Variants in PFDN1 observed in about 807,000 individuals in gnomAD.
The protein encoded by PFDN1 is prefoldin 1.
PFDN1 carries 6 observed loss-of-function variants against 17.3 expected under a neutral mutation model. The observed-to-expected ratio is 0.35, with a 90% CI of 0.19 to 0.69. PFDN1 has a LOEUF of 0.69. Among genes scored for constraint, PFDN1 ranks in the 30% least tolerant of loss-of-function variants. PFDN1 has a pLI of 0.65. For synonymous variants in PFDN1, 58 were observed against 50.1 expected (o/e 1.16, Z -0.67); for missense variants, 113 against 146.2 (o/e 0.77, Z 1.17).
chr5:140,253,938 C>G (rs1452772057), intron 3 of PFDN1, among the ~76,000 whole-genome samples: 2 of 152,224 alleles, frequency 1.3e-5, no homozygotes, highest in Non-Finnish European at 2.9e-5. Flanking sequence ...TGGGGATGGA[C>G]TACAGCAATC....
At position 140,303,006 on chromosome 5, in the gene PFDN1, A is replaced by G. The variant is rs1217984653; in HGVS notation, c.33+35T>C. 7 of 1,533,526 alleles carry G rather than the reference A, an allele frequency of 4.6e-6. No homozygotes were observed. The East Asian group carries it at 1.1e-4, about 25-fold the overall frequency. The allele number at this position is 1,533,526 out of a possible 1,614,324, so 95.0% of individuals were successfully genotyped here. On this transcript the variant is annotated intron_variant, in intron 1 of 3. Coordinates refer to ENST00000261813, the MANE Select transcript of PFDN1 (RefSeq NM_002622.5). ...GTCTATAGTCCCCTCAGCCTCCAAA[A>G]AGAAGACCTCCGCCTGCCAAAGACC...
At chr5:140,255,867 G>A (rs777781920) in intron 3 of PFDN1, among the ~76,000 whole-genome samples, 1 of 151,928 alleles carries the variant, frequency 6.6e-6, no homozygotes, top group African/African-American at 2.4e-5. Flanking sequence ...TTCTTGAATC[G>A]GTTTTCTAAG....
At chr5:140,255,386 GC>G (rs1489833970) in intron 3 of PFDN1, among the ~76,000 whole-genome samples, 3 of 152,120 alleles carry the variant, frequency 2.0e-5, no homozygotes, top group Non-Finnish European at 2.9e-5. Flanking sequence ...AGACCAGCTG[GC>G]CCTTGGGCTG....
At chr5:140,246,703 C>T (rs1407874636) in intron 3 of PFDN1, among the ~76,000 whole-genome samples, 1 of 152,152 alleles carries the variant, frequency 6.6e-6, no homozygotes, top group African/African-American at 2.4e-5. Flanking sequence ...AAAATCTCGG[C>T]TTAGACAAAG....
Position 140,245,590 on chromosome 5 carries a change from C to T in PFDN1, c.*384G>A, listed in dbSNP as rs1347733845. 1.4e-6 allele frequency: 1 copy of T among 702,104 alleles called. No individual in the cohort carries two copies. Among genetic ancestry groups the T allele is most frequent in the Non-Finnish European group, 2.6e-6 (1 of 384,962 alleles). 43.5% of individuals were successfully genotyped at this position (702,104 alleles called of 1,614,324 possible). On this transcript the variant is annotated 3_prime_UTR_variant, in exon 4 of 4. Coordinates refer to ENST00000261813, the MANE Select transcript of PFDN1 (RefSeq NM_002622.5). ...AGGTGGAGACGGCCACTGCCTCTCT[C>T]ACCCTCTGTTCCATCCCTCTGCTCA...
At chr5:140,256,380 AAACAACAAC>A in intron 3 of PFDN1, among the ~76,000 whole-genome samples, 1 of 152,006 alleles carries the variant, frequency 6.6e-6, no homozygotes. Flanking sequence ...CCTCCATCTC[AAACAACAAC>A]AACAACAACA....
At chr5:140,300,353 A>G in intron 2 of PFDN1, 63 bp downstream of exon 2, 2 of 1,273,412 alleles carry the variant, frequency 1.6e-6, no homozygotes, top group Non-Finnish European at 2.2e-6. Context: ...AGATGAACAA[A>G]TTCTATTTAA....
chr5:140,249,353 A>C (rs1449606208), intron 3 of PFDN1, among the ~76,000 whole-genome samples: 2 of 152,240 alleles, frequency 1.3e-5, no homozygotes, highest in Non-Finnish European at 2.9e-5. Context: ...AACCAAGTAG[A>C]AAACCAACAC....
In PFDN1 at chr5:140,254,718, C is replaced by T. The variant is rs1385641164; in HGVS notation, c.286-8661G>A. ...CACCTCTGAAGTGTCCATTTCACCACCACTACCTCATATTCTTCCAGGTCA... is the reference window on the plus strand; with the variant it reads ...CACCTCTGAAGTGTCCATTTCACCATCACTACCTCATATTCTTCCAGGTCA... On this transcript the variant is annotated intron_variant, in intron 3 of 3. Transcript: ENST00000261813. This position sits in a 1 kb window ranked among gnomAD's most constrained non-coding sequence, Gnocchi z 4.4. 6.6e-6 allele frequency among the ~76,000 whole-genome samples: 1 copy of T among 152,230 alleles called. No individual in the cohort carries two copies. The highest frequency in any genetic ancestry group is 2.4e-5 in the African/African-American group (1 of 41,448).
chr5:140,277,338 T>C (rs570428170), intron 3 of PFDN1, among the ~76,000 whole-genome samples: 8 of 152,130 alleles, frequency 5.3e-5, no homozygotes, highest in Admixed American at 5.2e-4. Context: ...CTTAAATATG[T>C]TATAAAAAGA....
chr5:140,277,832 GACAAATTAACA>G (rs767617824), intron 3 of PFDN1, among the ~76,000 whole-genome samples: 14 of 152,188 alleles, frequency 9.2e-5, no homozygotes. Context: ...AAAGAGAAAA[GACAAATTAACA>G]ACAATTAGAC....
intron 3 of PFDN1, among the ~76,000 whole-genome samples, chr5:140,264,008 G>C (rs1765101059): frequency 1.9e-5 from 2 of 103,578 alleles, no homozygotes; most frequent in South Asian, 5.8e-4. Context: ...GGGTCAGAGT[G>C]AGACTCCATC....
intron 3 of PFDN1, among the ~76,000 whole-genome samples, chr5:140,273,510 T>A (rs1240385522): frequency 1.3e-5 from 2 of 152,188 alleles, no homozygotes; most frequent in Non-Finnish European, 2.9e-5. Context: ...CATCAGAGTA[T>A]CAAACCTAAG....
At chr5:140,285,898 G>A (rs1765480138) in intron 2 of PFDN1, among the ~76,000 whole-genome samples, 1 of 152,090 alleles carries the variant, frequency 6.6e-6, no homozygotes, top group South Asian at 2.1e-4. Context: ...TAGCTACTCA[G>A]AAAGCTGAGG....
intron 3 of PFDN1, among the ~76,000 whole-genome samples, chr5:140,255,882 C>T (rs981856246): frequency 2.0e-5 from 3 of 152,108 alleles, no homozygotes; most frequent in Non-Finnish European, 2.9e-5. Context: ...TCTAAGGCAG[C>T]TGCCTCCCCT....
At chr5:140,283,894 G>C (rs1269748304) in intron 2 of PFDN1, among the ~76,000 whole-genome samples, 4 of 152,112 alleles carry the variant, frequency 2.6e-5, no homozygotes, top group African/African-American at 9.7e-5. Context: ...AAGTCTTTTA[G>C]CCATGGAAAT....
intron 3 of PFDN1, among the ~76,000 whole-genome samples, chr5:140,252,732 T>C (rs559573182): frequency 5.3e-5 from 8 of 152,058 alleles, no homozygotes; most frequent in African/African-American, 1.4e-4. Context: ...ACAAGGTTGG[T>C]AGAAGGCAGG....
At chr5:140,252,901 G>A (rs1439621534) in intron 3 of PFDN1, among the ~76,000 whole-genome samples, 1 of 152,192 alleles carries the variant, frequency 6.6e-6, no homozygotes, top group Non-Finnish European at 1.5e-5. Flanking sequence ...TGGGTGAGGA[G>A]GGCCAACAGA....
chr5:140,284,135 A>G (rs1273301904), intron 2 of PFDN1, among the ~76,000 whole-genome samples: 1 of 152,238 alleles, frequency 6.6e-6, no homozygotes, highest in East Asian at 1.9e-4. Context: ...AACACTCAAC[A>G]ACAAAAACAC....
Sources: allele counts gnomAD v4.1 joint callset (sites outside exome capture counted in the v4.1 genomes callset), GRCh38; gene constraint gnomAD v4.1.1; non-coding constraint Gnocchi (gnomAD v3.1); transcripts MANE v1.5; gene names NCBI Gene and HGNC (gene_info 2026-07-23, HGNC 2026-07-21).